The following DHX57 variants were observed in gnomAD, a reference collection of about 807,000 sequenced individuals.
DHX57 encodes DExH-box helicase 57.
A neutral mutation model predicts 156.2 loss-of-function variants in DHX57; 105 were observed. The ratio of observed to expected loss-of-function variants is 0.67; its 90% CI spans 0.57 to 0.79. The LOEUF (loss-of-function observed/expected upper bound fraction) is 0.79. DHX57 is among the 30% of genes least tolerant of loss of function. DHX57 has a pLI of 0.00. For missense variants in DHX57, 1,847 were observed against 1,661.9 expected (o/e 1.11, Z -1.94); for synonymous variants, 704 against 595.6 (o/e 1.18, Z -2.65).
intron 13 of DHX57, among the ~76,000 whole-genome samples, chr2:38,832,188 C>T (rs1377459154): frequency 6.6e-6 from 1 of 152,164 alleles, no homozygotes; most frequent in African/African-American, 2.4e-5. Flanking sequence ...CGCCTGTAGT[C>T]CCAGCACTAT....
chr2:38,854,502 T>C (rs756509686), intron 8 of DHX57: 1 of 167,450 alleles, frequency 6.0e-6, no homozygotes, highest in Admixed American at 6.1e-5. Flanking sequence ...AGATGACTTC[T>C]GCCAATAAAA....
intron 13 of DHX57, among the ~76,000 whole-genome samples, chr2:38,836,577 C>T (rs920205249): frequency 6.6e-6 from 1 of 151,928 alleles, no homozygotes; most frequent in African/African-American, 2.4e-5. Flanking sequence ...AGTTCAAGAC[C>T]AGACTGGCCA....
At position 38,798,831 on chromosome 2, in the gene DHX57, C is replaced by T. The variant is rs139240557; in HGVS notation, c.4018-389G>A. On this transcript the variant is annotated intron_variant, in intron 23 of 23. Coordinates refer to ENST00000457308, the MANE Select transcript of DHX57 (RefSeq NM_198963.3). ...TGGTGGCATGCGCCTGTAATCCCAG[C>T]TACTCAGAGGCTGAGGCAGGAGAAT... Among the ~76,000 whole-genome samples, 57 of 152,258 alleles carry T rather than the reference C, an allele frequency of 3.7e-4. 1 individual carries two copies. The East Asian group carries it at 7.7e-3, about 21-fold the overall frequency.
At chr2:38,816,415 C>T (rs1670550836) in intron 19 of DHX57, among the ~76,000 whole-genome samples, 1 of 151,778 alleles carries the variant, frequency 6.6e-6, no homozygotes, top group Admixed American at 6.6e-5. Flanking sequence ...GAGGTTTCAC[C>T]ATGTTGGCCA....
intron 21 of DHX57, chr2:38,811,105 G>C (rs1354279728): frequency 3.6e-6 from 2 of 556,728 alleles, no homozygotes; most frequent in African/African-American, 3.8e-5. Flanking sequence ...TTCCAGCCTC[G>C]TGGCTGATGT....
At chr2:38,835,513 C>G (rs1671605230) in intron 13 of DHX57, among the ~76,000 whole-genome samples, 1 of 152,184 alleles carries the variant, frequency 6.6e-6, no homozygotes, top group South Asian at 2.1e-4. Flanking sequence ...GACAGTGCCA[C>G]TGGCCACCCA....
At chr2:38,827,668 T>A (rs1248014328) in intron 14 of DHX57, among the ~76,000 whole-genome samples, 1 of 151,224 alleles carries the variant, frequency 6.6e-6, no homozygotes, top group South Asian at 2.1e-4. Flanking sequence ...TGTCAAATAG[T>A]TTTCCCCTTA....
chr2:38,848,938 T>C (rs968235351), intron 9 of DHX57, among the ~76,000 whole-genome samples: 16 of 152,194 alleles, frequency 1.1e-4, no homozygotes, highest in African/African-American at 3.9e-4. Flanking sequence ...AAGATATAAA[T>C]TCTTTCCCAA....
At chr2:38,826,236 C>A (rs1671080627) in intron 15 of DHX57, among the ~76,000 whole-genome samples, 189 bp from the exon 16 acceptor site, 2 of 152,226 alleles carry the variant, frequency 1.3e-5, no homozygotes, top group East Asian at 3.9e-4. Flanking sequence ...GCAGAGTTTC[C>A]CAAACTACAC....
chr2:38,870,791 A>T (rs1269287046), intron 1 of DHX57, among the ~76,000 whole-genome samples: 1 of 152,156 alleles, frequency 6.6e-6, no homozygotes, highest in African/African-American at 2.4e-5. Context: ...AGGCAGGAGA[A>T]TCACTTGAAC....
intron 1 of DHX57, among the ~76,000 whole-genome samples, chr2:38,871,731 C>T (rs1572719673): frequency 1.4e-5 from 2 of 143,906 alleles, no homozygotes; most frequent in Non-Finnish European, 3.0e-5. Context: ...TTTTTTGAGA[C>T]AGTCTCACTC....
At position 38,815,535 on chromosome 2, in the gene DHX57, C is replaced by G; in HGVS notation, c.3592G>C (p.Ala1198Pro). ...RAQGGDGVLDATGEEANSNAE... is the reference protein window; with the variant it reads ...RAQGGDGVLDPTGEEANSNAE... ...ACATTCTTTACCTCTTCTCCTGTGG[C>G]ATCTAAGACACCATCTCCTCCTTGG... The change falls in exon 20 of 24, where the codon GCC (alanine) becomes CCC (proline). Residue 1198 changes from alanine to proline, a missense_variant. Transcript: ENST00000457308. 1 of 1,614,106 alleles carries G rather than the reference C, an allele frequency of 6.2e-7. No individual in the cohort carries two copies. Among genetic ancestry groups the G allele is most frequent in the Non-Finnish European group, 8.5e-7 (1 of 1,179,986 alleles).
intron 13 of DHX57, among the ~76,000 whole-genome samples, chr2:38,829,695 A>G (rs2124828776): frequency 6.6e-6 from 1 of 152,328 alleles, no homozygotes; most frequent in Non-Finnish European, 1.5e-5. Flanking sequence ...TTGGGACTAC[A>G]GGCATGCACC....
chr2:38,837,735 G>A (rs1023175537), intron 13 of DHX57, 96 bp downstream of exon 13: 3 of 755,724 alleles, frequency 4.0e-6, no homozygotes, highest in African/African-American at 1.7e-5. Flanking sequence ...TGTGTGCAGA[G>A]TCTGCATGTA....
intron 4 of DHX57, 133 bp from the exon 5 acceptor site, chr2:38,861,970 C>T: frequency 8.1e-7 from 1 of 1,231,218 alleles, no homozygotes; most frequent in South Asian, 1.6e-5. Flanking sequence ...AAAAAGCATC[C>T]CTGATAACAA....
intron 2 of DHX57, among the ~76,000 whole-genome samples, chr2:38,864,832 G>A (rs1558405815): frequency 6.6e-6 from 1 of 152,118 alleles, no homozygotes; most frequent in Middle Eastern, 3.4e-3. Context: ...TCTTCTCTCT[G>A]AAACACAACC....
chr2:38,871,709 T>TC, intron 1 of DHX57, among the ~76,000 whole-genome samples: 1 of 136,832 alleles, frequency 7.3e-6, no homozygotes, highest in African/African-American at 2.6e-5. Context: ...AATAACTCAT[T>TC]CTTTTTTTTT....
At chr2:38,842,881 C>T (rs1672082167) in intron 12 of DHX57, 124 bp downstream of exon 12, 4 of 997,572 alleles carry the variant, frequency 4.0e-6, no homozygotes, top group Non-Finnish European at 5.9e-6. Context: ...TAAGGTTGCT[C>T]TGATGAATTA....
chr2:38,813,705 G>A (rs1670387519), intron 21 of DHX57, 116 bp downstream of exon 21: 2 of 1,198,060 alleles, frequency 1.7e-6, no homozygotes, highest in Non-Finnish European at 2.4e-6. Context: ...GGGTGTGCGT[G>A]TGTGCACACA....
Sources: allele counts gnomAD v4.1 joint callset (sites outside exome capture counted in the v4.1 genomes callset), GRCh38; gene constraint gnomAD v4.1.1; transcripts MANE v1.5; gene names NCBI Gene and HGNC (gene_info 2026-07-23, HGNC 2026-07-21).